Variants in FNIP1 observed in about 807,000 individuals in gnomAD.
FNIP1 encodes folliculin interacting protein 1.
In FNIP1, 40 loss-of-function variants were observed where a neutral mutation model predicts 124.5. The observed-to-expected ratio is 0.32, with a 90% CI of 0.25 to 0.42. FNIP1 has a LOEUF of 0.42. Among genes scored for constraint, FNIP1 ranks in the 10% least tolerant of loss-of-function variants. The pLI, the probability that FNIP1 is intolerant of heterozygous loss-of-function variation, is 1.00. For missense variants in FNIP1, 1,176 were observed against 1,403.7 expected (o/e 0.84, Z 2.59); for synonymous variants, 472 against 470.6 (o/e 1.00, Z -0.04).
At chr5:131,668,902 T>C (rs1767675115) in intron 15 of FNIP1, among the ~76,000 whole-genome samples, 1 of 152,156 alleles carries the variant, frequency 6.6e-6, no homozygotes, top group South Asian at 2.1e-4. Flanking sequence ...TTGATGTATA[T>C]GGGCAAAAAA....
At chr5:131,778,911 C>A in intron 1 of FNIP1, among the ~76,000 whole-genome samples, 1 of 119,788 alleles carries the variant, frequency 8.3e-6, no homozygotes, top group African/African-American at 3.2e-5. Flanking sequence ...AAACCAAACA[C>A]CGCATATTCT....
chr5:131,764,785 G>A (rs575914208), intron 1 of FNIP1, among the ~76,000 whole-genome samples: 43 of 151,914 alleles, frequency 2.8e-4, no homozygotes, highest in African/African-American at 1.0e-3. Context: ...TTGTAGAATC[G>A]AGGACTAGAT....
chr5:131,684,036 T>G (rs1336494443), intron 11 of FNIP1, among the ~76,000 whole-genome samples: 2 of 152,226 alleles, frequency 1.3e-5, no homozygotes, highest in Non-Finnish European at 2.9e-5. Flanking sequence ...GTATTTTTTC[T>G]GTAAGGTACA....
chr5:131,682,043 GTAGGA>G (rs1259741192), intron 11 of FNIP1, among the ~76,000 whole-genome samples: 4 of 152,152 alleles, frequency 2.6e-5, no homozygotes, highest in African/African-American at 9.7e-5. Context: ...AATGGGGTGA[GTAGGA>G]TAGGATTCAT....
At chr5:131,650,795 A>G (rs1767015839) in intron 16 of FNIP1, among the ~76,000 whole-genome samples, 1 of 152,212 alleles carries the variant, frequency 6.6e-6, no homozygotes, top group South Asian at 2.1e-4. Context: ...AGAGCTTTTT[A>G]ACTATGGTAT....
At chr5:131,692,997 G>C in intron 11 of FNIP1, among the ~76,000 whole-genome samples, 1 of 150,570 alleles carries the variant, frequency 6.6e-6, no homozygotes, top group East Asian at 1.9e-4. Context: ...GACAGAGTGA[G>C]ACTGTCTAAA....
rs1261722769 is a variant in FNIP1, at chr5:131,796,941, G to C, written c.-20C>G. ...GGCCATGCTAGCCACGGCCAGGCAG[G>C]GGTCGCTCCGCTGGGCGCTTGCTAG... On this transcript the variant is annotated 5_prime_UTR_variant, in exon 1 of 18. Coordinates refer to ENST00000510461, the MANE Select transcript of FNIP1 (RefSeq NM_133372.3). 1.3e-6 allele frequency: 2 copies of C among 1,583,562 alleles called. No individual in the cohort carries two copies. The highest frequency in any genetic ancestry group is 1.8e-5 in the Admixed American group (1 of 56,236).
At chr5:131,715,759 C>A (rs1769447700) in intron 6 of FNIP1, among the ~76,000 whole-genome samples, 1 of 151,818 alleles carries the variant, frequency 6.6e-6, no homozygotes, top group Non-Finnish European at 1.5e-5. Flanking sequence ...TTTGAATAAA[C>A]ACAAATTATA....
intron 9 of FNIP1, among the ~76,000 whole-genome samples, chr5:131,706,081 G>T (rs933333308): frequency 2.6e-5 from 4 of 152,128 alleles, no homozygotes; most frequent in African/African-American, 7.2e-5. Flanking sequence ...GGTTACAAGA[G>T]GAAGAAAAGG....
At chr5:131,661,016 G>C (rs1210574962) in intron 15 of FNIP1, among the ~76,000 whole-genome samples, 1 of 152,112 alleles carries the variant, frequency 6.6e-6, no homozygotes, top group Non-Finnish European at 1.5e-5. Flanking sequence ...CTCCTGACTG[G>C]TTTGGCTTCT....
At chr5:131,647,027 G>A in intron 17 of FNIP1, 63 bp downstream of exon 17, 1 of 1,432,900 alleles carries the variant, frequency 7.0e-7, no homozygotes, top group East Asian at 2.3e-5. Flanking sequence ...CAATTCTGAG[G>A]AAAATTCCTT....
chr5:131,725,873 C>G (rs1769844244), intron 3 of FNIP1, among the ~76,000 whole-genome samples: 1 of 152,172 alleles, frequency 6.6e-6, no homozygotes, highest in Non-Finnish European at 1.5e-5. Flanking sequence ...TATATTCCAT[C>G]AATACCTAGT....
intron 4 of FNIP1, 77 bp from the exon 5 acceptor site, chr5:131,719,137 G>A: frequency 3.6e-6 from 5 of 1,400,512 alleles, no homozygotes; most frequent in Non-Finnish European, 4.0e-6. Context: ...ATAAAAATGT[G>A]TAAGTCACAG....
At chr5:131,781,579 CA>C (rs1342576843) in intron 1 of FNIP1, among the ~76,000 whole-genome samples, 1 of 152,192 alleles carries the variant, frequency 6.6e-6, no homozygotes, top group Non-Finnish European at 1.5e-5. Context: ...AGATGAACAA[CA>C]AAGTCTGGAT....
chr5:131,668,797 G>A (rs963014327), intron 15 of FNIP1, among the ~76,000 whole-genome samples: 1 of 152,202 alleles, frequency 6.6e-6, no homozygotes, highest in Admixed American at 6.5e-5. Flanking sequence ...AACATAGCCA[G>A]AAGCATATAA....
At chr5:131,785,131 GA>G (rs1388829600) in intron 1 of FNIP1, among the ~76,000 whole-genome samples, 3 of 20,174 alleles carry the variant, frequency 1.5e-4, no homozygotes, top group East Asian at 1.4e-3. Flanking sequence ...TGATATATAT[GA>G]CTATATATAT....
intron 1 of FNIP1, among the ~76,000 whole-genome samples, chr5:131,762,466 A>G (rs1214424337): frequency 6.6e-6 from 1 of 152,238 alleles, no homozygotes; most frequent in Non-Finnish European, 1.5e-5. Context: ...TCAAAAGAAG[A>G]CATACAGATG....
At chr5:131,673,112 A>G (rs1238622560) in intron 13 of FNIP1, among the ~76,000 whole-genome samples, 188 bp from the exon 14 acceptor site, 1 of 151,790 alleles carries the variant, frequency 6.6e-6, no homozygotes, top group Non-Finnish European at 1.5e-5. Flanking sequence ...CAGTGGTACA[A>G]TCATGGTTCA....
In FNIP1 at chr5:131,710,676, C is replaced by A; in HGVS notation, c.623-15G>T. On this transcript the variant is annotated splice_polypyrimidine_tract_variant and intron_variant, in intron 6 of 17. Transcript: ENST00000510461. ...CTGTGAAAGACCTACATGGCAAAAA[C>A]GTAAAATACACATGAAAGAGGACTG... 2 of 1,611,080 alleles carry A rather than the reference C, an allele frequency of 1.2e-6. No individual in the cohort carries two copies. The highest frequency in any genetic ancestry group is 1.7e-6 in the Non-Finnish European group (2 of 1,178,746).
Sources: gnomAD v4.1 joint callset for allele counts (sites outside exome capture counted in the v4.1 genomes callset) on GRCh38, gnomAD v4.1.1 for gene constraint, MANE v1.5 for transcripts, NCBI Gene and HGNC (gene_info 2026-07-23, HGNC 2026-07-21) for gene names.